Variants in MRPS27 observed in about 807,000 individuals in gnomAD.
MRPS27 encodes small ribosomal subunit protein mS27.
Under a neutral mutation model 48.9 loss-of-function variants are expected in MRPS27, and 43 were observed. The ratio of observed to expected loss-of-function variants is 0.88; its 90% CI spans 0.69 to 1.13. The LOEUF is 1.13. Among genes scored for constraint, MRPS27 ranks in the 50% most tolerant of loss-of-function variants. The probability of loss-of-function intolerance (pLI) is 0.00; values close to 1 mark genes in which losing one functional copy is unlikely to be tolerated. For missense variants in MRPS27, 467 were observed against 476.3 expected (o/e 0.98, Z 0.18); for synonymous variants, 188 against 171.9 (o/e 1.09, Z -0.73).
chr5:72,313,467 G>T (rs1289361597), intron 2 of MRPS27, among the ~76,000 whole-genome samples: 1 of 152,150 alleles, frequency 6.6e-6, no homozygotes. Context: ...AAAGTCTAAA[G>T]TATGCACATT....
chr5:72,267,034 T>C (rs1055348678), intron 4 of MRPS27, among the ~76,000 whole-genome samples: 3 of 152,188 alleles, frequency 2.0e-5, no homozygotes, highest in Non-Finnish European at 4.4e-5. Flanking sequence ...GTATCTAAAG[T>C]GCTTCAACTT....
At chr5:72,228,097 C>G in intron 8 of MRPS27, 169 bp downstream of exon 8, 1 of 620,346 alleles carries the variant, frequency 1.6e-6, no homozygotes, top group South Asian at 2.1e-5. Context: ...CCTCTTTACT[C>G]TCTTATGGAG....
chr5:72,296,534 G>C (rs955494296), intron 3 of MRPS27, among the ~76,000 whole-genome samples: 6 of 152,080 alleles, frequency 3.9e-5, no homozygotes, highest in African/African-American at 1.4e-4. Flanking sequence ...GCACCAATGA[G>C]AAAATGTACA....
intron 4 of MRPS27, among the ~76,000 whole-genome samples, chr5:72,281,616 G>C (rs1043948799): frequency 6.6e-5 from 10 of 152,178 alleles, no homozygotes; most frequent in Non-Finnish European, 1.5e-4. Flanking sequence ...GTTAGAAAGA[G>C]ACAGTGGGGA....
intron 7 of MRPS27, among the ~76,000 whole-genome samples, chr5:72,231,547 C>T (rs1373314793): frequency 1.3e-5 from 2 of 152,166 alleles, no homozygotes; most frequent in African/African-American, 4.8e-5. Context: ...CAGTACATAA[C>T]TAGCACTTGC....
In MRPS27 at chr5:72,223,861, G is replaced by T; in HGVS notation, c.838-11C>A. On this transcript the variant is annotated splice_polypyrimidine_tract_variant and intron_variant, in intron 9 of 10. Coordinates refer to ENST00000261413, the MANE Select transcript of MRPS27 (RefSeq NM_015084.3). ...ACCCAGCACATCGAGCTGTGGAGCA[G>T]AAAGAGGGTCAGCAACCAAATGTTT... is the stretch of plus-strand genomic sequence containing the variant. 6.2e-7 allele frequency: 1 copy of T among 1,610,914 alleles called. No homozygotes were observed.
intron 2 of MRPS27, among the ~76,000 whole-genome samples, chr5:72,306,805 C>T (rs1478386901): frequency 6.6e-6 from 1 of 151,936 alleles, no homozygotes; most frequent in Non-Finnish European, 1.5e-5. Flanking sequence ...TAAAAAAACC[C>T]CGATAATTAA....
intron 5 of MRPS27, among the ~76,000 whole-genome samples, chr5:72,236,195 C>T (rs935774421): frequency 1.3e-5 from 2 of 152,000 alleles, no homozygotes; most frequent in Admixed American, 1.3e-4. Context: ...AATTCCAATG[C>T]CTGGGCCCTA....
Position 72,221,089 on chromosome 5 carries a change from C to G in MRPS27, c.1065G>C (p.Leu355=). The change falls in exon 11 of 11, where the codon CTG becomes CTC. Residue 355 remains leucine (L), a synonymous_variant. Coordinates refer to ENST00000261413, the MANE Select transcript of MRPS27 (RefSeq NM_015084.3). ...GKIESEGLLS[L]TTQLVKEKLS... is the part of the protein sequence containing the mutation. ...GTTTTTCCTTGACAAGCTGGGTGGTCAGACTTAAAAGACCTTCTGACTCAA... is the reference window on the plus strand; with the variant it reads ...GTTTTTCCTTGACAAGCTGGGTGGTGAGACTTAAAAGACCTTCTGACTCAA... 6.2e-7 allele frequency: 1 copy of G among 1,614,128 alleles called. No homozygotes were observed. The highest frequency in any genetic ancestry group is 8.5e-7 in the Non-Finnish European group (1 of 1,180,024).
chr5:72,246,510 A>G (rs763481012), intron 4 of MRPS27, among the ~76,000 whole-genome samples: 3 of 152,216 alleles, frequency 2.0e-5, no homozygotes, highest in Non-Finnish European at 4.4e-5. Context: ...CATGGGTTCA[A>G]AGAATTTCCC....
intron 8 of MRPS27, 91 bp from the exon 9 acceptor site, chr5:72,226,290 C>A: frequency 1.4e-6 from 2 of 1,461,858 alleles, no homozygotes; most frequent in South Asian, 2.4e-5. Context: ...GAATGTTCAC[C>A]TGGCAGCACT....
chr5:72,277,748 C>T (rs1400233801), intron 4 of MRPS27, among the ~76,000 whole-genome samples: 1 of 152,116 alleles, frequency 6.6e-6, no homozygotes, highest in African/African-American at 2.4e-5. Flanking sequence ...CCATGGAGTA[C>T]TGTGCAGCCA....
At chr5:72,268,158 C>A (rs1188567757) in intron 4 of MRPS27, among the ~76,000 whole-genome samples, 1 of 151,648 alleles carries the variant, frequency 6.6e-6, no homozygotes, top group Non-Finnish European at 1.5e-5. Context: ...GGAAAGAGCA[C>A]CCTAAAAAGA....
chr5:72,220,944 A>G lies in MRPS27; in HGVS notation c.1210T>C (p.Tyr404His). ...GCCTTTGCTGCTTTCTGAGCCTGGTACTCCTGCTTCGCTTGCTCCCTCTGT... is the reference window on the plus strand; with the variant it reads ...GCCTTTGCTGCTTTCTGAGCCTGGTGCTCCTGCTTCGCTTGCTCCCTCTGT... Reference protein sequence around the residue: ...QQQREQAKQEYQAQKAAKASA With the variant: ...QQQREQAKQEHQAQKAAKASA Residue 404 changes from tyrosine (Y) to histidine (H), a missense_variant, in exon 11 of 11, where the codon TAC becomes CAC. Coordinates refer to ENST00000261413, the MANE Select transcript of MRPS27 (RefSeq NM_015084.3). 6.2e-7 allele frequency: 1 copy of G among 1,613,790 alleles called. No homozygotes were observed. The highest frequency in any genetic ancestry group is 8.5e-7 in the Non-Finnish European group (1 of 1,179,928).
chr5:72,285,606 T>G (rs920590196), intron 4 of MRPS27, among the ~76,000 whole-genome samples: 2 of 152,178 alleles, frequency 1.3e-5, no homozygotes, highest in African/African-American at 4.8e-5. Context: ...GGAATCAGCC[T>G]CCTAAGTAGT....
chr5:72,243,910 G>C (rs369669348), intron 4 of MRPS27, among the ~76,000 whole-genome samples: 5 of 152,220 alleles, frequency 3.3e-5, no homozygotes, highest in Admixed American at 1.3e-4. Flanking sequence ...ATCAAGATAA[G>C]CCCCCTTTGT....
At chr5:72,312,878 A>C (rs1358279201) in intron 2 of MRPS27, among the ~76,000 whole-genome samples, 1 of 152,306 alleles carries the variant, frequency 6.6e-6, no homozygotes, top group East Asian at 1.9e-4. Context: ...TCAGCCTCCC[A>C]AAGTGCTGGG....
chr5:72,259,140 TA>T (rs2111996673), intron 4 of MRPS27, among the ~76,000 whole-genome samples: 1 of 152,248 alleles, frequency 6.6e-6, no homozygotes, highest in South Asian at 2.1e-4. Context: ...CCAGATCTCC[TA>T]AATATCTGTT....
chr5:72,247,682 A>G (rs1304111125), intron 4 of MRPS27, among the ~76,000 whole-genome samples: 1 of 152,264 alleles, frequency 6.6e-6, no homozygotes, highest in Non-Finnish European at 1.5e-5. Context: ...CCATTAGTAA[A>G]GCATTTTATT....
Sources: gnomAD v4.1 joint callset for allele counts (sites outside exome capture counted in the v4.1 genomes callset) on GRCh38, gnomAD v4.1.1 for gene constraint, MANE v1.5 for transcripts, NCBI Gene and HGNC (gene_info 2026-07-23, HGNC 2026-07-21) for gene names.